RBM33: variants seen among roughly 807,000 people sequenced by gnomAD.
RBM33 encodes the protein RNA binding motif protein 33.
In RBM33, 28 loss-of-function variants were observed where a neutral mutation model predicts 132.6. That is an observed-to-expected ratio of 0.21 (90% CI 0.16 to 0.29). The LOEUF (loss-of-function observed/expected upper bound fraction) is 0.29, where lower values mean the gene tolerates loss of function less well. Ranked by LOEUF, RBM33 falls within the 10% of genes least tolerant of loss-of-function variation. The pLI, the probability that RBM33 is intolerant of heterozygous loss-of-function variation, is 1.00. For synonymous variants in RBM33, 634 were observed against 593.0 expected (o/e 1.07, Z -1.01); for missense variants, 1,291 against 1,518.5 (o/e 0.85, Z 2.49).
chr7:155,775,115 C>A lies in RBM33; in HGVS notation c.*74C>A. 2 of 1,312,534 alleles carry A rather than the reference C, an allele frequency of 1.5e-6. No individual in the cohort carries two copies. Among genetic ancestry groups the A allele is most frequent in the Non-Finnish European group, 2.2e-6 (2 of 905,620 alleles). The allele number at this position is 1,312,534 out of a possible 1,614,324, so 81.3% of individuals were successfully genotyped here. A position where few individuals can be genotyped will look rare whatever the true frequency, so the allele number is the denominator to read the frequency against. ...TCTTCAAGGGAGCTGCCGGCCGGCG[C>A]AGAACCCCCAGGAGCACAGGTCTCT... On this transcript the variant is annotated 3_prime_UTR_variant, in exon 18 of 18. Transcript: ENST00000401878.
At chr7:155,657,735 C>T (rs73736013) in intron 1 of RBM33, among the ~76,000 whole-genome samples, 4,426 of 152,274 alleles carry the variant, frequency 0.029, 213 homozygotes, top group African/African-American at 0.1. Context: ...AATTTCTTCG[C>T]TGTGTCTTAA....
chr7:155,732,569 A>G (rs1014107583), intron 9 of RBM33, among the ~76,000 whole-genome samples: 1 of 152,206 alleles, frequency 6.6e-6, no homozygotes, highest in African/African-American at 2.4e-5. Context: ...ACTTCAGCAT[A>G]CTGTTCCTAT....
intron 5 of RBM33, chr7:155,685,112 A>G (rs1167884451): frequency 6.0e-6 from 9 of 1,509,452 alleles, no homozygotes. Flanking sequence ...CCAGACTTAA[A>G]ATGAGCATCT....
chr7:155,680,636 A>G lies in RBM33; in HGVS notation c.295A>G (p.Thr99Ala). The change falls in exon 5 of 18, where the codon ACA becomes GCA. Residue 99 changes from threonine to alanine, a missense_variant. Physicochemically the swap from Thr to Ala is moderately conservative, Grantham distance 58. Transcript: ENST00000401878. The stretch of plus-strand genomic sequence containing the variant: ...TCTGAATGCTACATCTGGCATGGTT[A>G]CATCATTTGAACTCTCTGACAACAC... ...ISLNATSGMV[T>A]SFELSDNTND... The G allele has an allele frequency of 1.2e-6, 2 of 1,607,964 alleles. No individual in the cohort carries two copies. The highest frequency in any genetic ancestry group is 1.7e-6 in the Non-Finnish European group (2 of 1,177,656).
In RBM33 at chr7:155,739,798, TCCGCACCAGCCC is replaced by T. The variant is rs751100417; in HGVS notation, c.1838_1849del (p.His613_Pro616del). On this transcript the variant is annotated inframe_deletion, in exon 12 of 18. Transcript: ENST00000401878. Reference sequence around the variant, plus strand: ...AACAGCCCCCGCCACAGCACCAGCCTCCGCACCAGCCCCCGCACCAGCCCCCGCCCCAGCACC... The same window carrying T: ...AACAGCCCCCGCCACAGCACCAGCCTCCGCACCAGCCCCCGCCCCAGCACC... 357 of 1,417,920 alleles carry T rather than the reference TCCGCACCAGCCC, an allele frequency of 2.5e-4. 1 individual carries two copies. Among genetic ancestry groups the T allele is most frequent in the Middle Eastern group, 1.4e-3 (7 of 5,052 alleles). 87.8% of individuals were successfully genotyped at this position (1,417,920 alleles called of 1,614,324 possible).
rs1238091089 is a variant in RBM33 at position 155,685,624 on chromosome 7, A to G, written c.567+4716A>G. 9.2e-5 allele frequency among the ~76,000 whole-genome samples: 14 copies of G among 152,322 alleles called. No homozygotes were observed. In the Middle Eastern group the frequency reaches 0.01, roughly 111 times the overall value. ...TTCGTGGTCGACGAGGCTTTATGGA[A>G]GGAGGTGAACCTCTGAACTCTGAGG... On this transcript the variant is annotated intron_variant, in intron 5 of 17. Transcript: ENST00000401878.
intron 2 of RBM33, among the ~76,000 whole-genome samples, chr7:155,669,371 T>C (rs1798884119): frequency 6.6e-6 from 1 of 152,136 alleles, no homozygotes; most frequent in Non-Finnish European, 1.5e-5. Flanking sequence ...TTTGTTTTTG[T>C]TTTTGTTTTT....
intron 9 of RBM33, among the ~76,000 whole-genome samples, chr7:155,729,415 A>G (rs1366610984): frequency 1.3e-5 from 2 of 152,104 alleles, no homozygotes; most frequent in African/African-American, 4.8e-5. Flanking sequence ...TTCTCTAATG[A>G]TATTATATAG....
rs181849149 is a variant in RBM33 at position 155,668,626 on chromosome 7, A to G, written c.122+3373A>G. On this transcript the variant is annotated intron_variant, in intron 2 of 17. Coordinates refer to ENST00000401878, the MANE Select transcript of RBM33 (RefSeq NM_053043.3). ...TGTAGTACTAGTACACTAATATACT[A>G]CCTAATAGTACTGTAAACTAGTTCG... is the stretch of plus-strand genomic sequence containing the variant. 2.1e-3 allele frequency among the ~76,000 whole-genome samples: 327 copies of G among 152,224 alleles called. 1 individual carries two copies. The highest frequency in any genetic ancestry group is 3.6e-3 in the Admixed American group (55 of 15,288).
intron 5 of RBM33, among the ~76,000 whole-genome samples, chr7:155,693,961 T>C (rs996798758): frequency 2.0e-5 from 3 of 152,162 alleles, no homozygotes; most frequent in African/African-American, 4.8e-5. Context: ...TCTGTTTTGG[T>C]GTCTTCCTAG....
At position 155,711,220 on chromosome 7, in the gene RBM33, ACCGCCACCG is replaced by A. The variant is rs1800280042; in HGVS notation, c.972_980del (p.Pro325_Pro327del). The stretch of plus-strand genomic sequence containing the variant: ...CTCCACAGCCCCAGGCTCCCCCTCC[ACCGCCACCG>A]CCGCCTCAGCAGCAGCCGATCAGAA... On this transcript the variant is annotated inframe_deletion, in exon 8 of 18. Transcript: ENST00000401878. The A allele has an allele frequency of 3.2e-6, 5 of 1,571,594 alleles. No homozygotes were observed. Among genetic ancestry groups the A allele is most frequent in the South Asian group, 1.2e-5 (1 of 86,594 alleles).
In RBM33 at chr7:155,779,254, G is replaced by A. The variant is rs1461943667; in HGVS notation, c.*4213G>A. 1 of 150,826 alleles carries A rather than the reference G, an allele frequency of 6.6e-6. No individual in the cohort carries two copies. Among genetic ancestry groups the A allele is most frequent in the Non-Finnish European group, 1.5e-5 (1 of 67,830 alleles). The allele number at this position is 150,826 out of a possible 1,614,324, so 9.3% of individuals were successfully genotyped here. A position where few individuals can be genotyped will look rare whatever the true frequency, so the allele number is the denominator to read the frequency against. ...GAGGGGGGTGGGCGAGAGAAAGCTCGAAAGGTATTATTGGTTTTTCAAAAA... is the reference window on the plus strand; with the variant it reads ...GAGGGGGGTGGGCGAGAGAAAGCTCAAAAGGTATTATTGGTTTTTCAAAAA... On this transcript the variant is annotated 3_prime_UTR_variant, in exon 18 of 18. Coordinates refer to ENST00000401878, the MANE Select transcript of RBM33 (RefSeq NM_053043.3).
chr7:155,659,716 T>C (rs370919940), intron 1 of RBM33, among the ~76,000 whole-genome samples: 2 of 152,106 alleles, frequency 1.3e-5, no homozygotes, highest in East Asian at 3.9e-4. Flanking sequence ...AATATATAGC[T>C]AAAAGATAGG....
At chr7:155,651,408 C>A (rs1482770512) in intron 1 of RBM33, among the ~76,000 whole-genome samples, 2 of 151,714 alleles carry the variant, frequency 1.3e-5, no homozygotes, top group African/African-American at 2.4e-5. Context: ...TTTATGTGAC[C>A]TTTTTTCATT....
chr7:155,662,437 T>G (rs572208686), intron 1 of RBM33, among the ~76,000 whole-genome samples: 1 of 152,106 alleles, frequency 6.6e-6, no homozygotes, highest in African/African-American at 2.4e-5. Flanking sequence ...CTCACTGTTT[T>G]TGGGAGCACT....
intron 14 of RBM33, among the ~76,000 whole-genome samples, chr7:155,754,139 A>T (rs1801772470): frequency 1.3e-5 from 2 of 152,208 alleles, no homozygotes; most frequent in African/African-American, 4.8e-5. Flanking sequence ...AACACATAAG[A>T]ATTTCCATAC....
intron 14 of RBM33, among the ~76,000 whole-genome samples, chr7:155,754,812 G>C (rs1420692551): frequency 6.6e-6 from 1 of 152,206 alleles, no homozygotes; most frequent in Non-Finnish European, 1.5e-5. Context: ...CATGAAGCTT[G>C]GTAGTTAGGA....
intron 14 of RBM33, among the ~76,000 whole-genome samples, chr7:155,749,142 A>G (rs1801616596): frequency 1.3e-5 from 2 of 152,118 alleles, no homozygotes; most frequent in Admixed American, 6.5e-5. Context: ...TTAATTTCCA[A>G]TCTGCAAGTG....
chr7:155,672,651 A>C (rs904421508), intron 2 of RBM33, among the ~76,000 whole-genome samples: 10 of 150,850 alleles, frequency 6.6e-5, no homozygotes, highest in African/African-American at 2.4e-4. Context: ...AGGCTGAGGC[A>C]GGAGAATTGC....
Sources: allele counts gnomAD v4.1 joint callset (sites outside exome capture counted in the v4.1 genomes callset), GRCh38; gene constraint gnomAD v4.1.1; transcripts MANE v1.5; gene names NCBI Gene and HGNC (gene_info 2026-07-23, HGNC 2026-07-21).